Variants in NEU3 observed in about 807,000 individuals in gnomAD.
NEU3 encodes the protein neuraminidase 3.
Under a neutral mutation model 11.4 loss-of-function variants are expected in NEU3, and 10 were observed. The ratio of observed to expected loss-of-function variants is 0.88; its 90% CI spans 0.54 to 1.49. The LOEUF (loss-of-function observed/expected upper bound fraction) is 1.49. Among genes scored for constraint, NEU3 ranks in the 40% most tolerant of loss-of-function variants. The probability of loss-of-function intolerance (pLI) is 0.00; values close to 1 mark genes in which losing one functional copy is unlikely to be tolerated. For missense variants in NEU3, 529 were observed against 581.8 expected, an observed-to-expected ratio of 0.91 and a Z score of 0.93; for synonymous variants, 212 against 228.2, an observed-to-expected ratio of 0.93 and a Z score of 0.64.
At chr11:75,020,381 G>T (rs889973800), downstream of NEU3, among the ~76,000 whole-genome samples, 1 of 152,178 alleles carries the variant, frequency 6.6e-6, no homozygotes, top group Non-Finnish European at 1.5e-5. Flanking sequence ...AGAATGATAT[G>T]ATTTGGCTGT....
chr11:75,006,196 T>C lies in NEU3; in HGVS notation c.1090T>C (p.Tyr364His). ...AGTPSESWLL[Y>H]SHPTSRKQRV... ...AACACCGTCAGAATCATGGCTCTTG[T>C]ACTCACACCCAACCAGTAGGAAACA... The change falls in exon 3 of 3, where the codon TAC becomes CAC. Residue 364 changes from tyrosine (Y) to histidine (H), a missense_variant. Coordinates refer to ENST00000294064, the MANE Select transcript of NEU3 (RefSeq NM_006656.6). 5 of 1,614,002 alleles carry C rather than the reference T, an allele frequency of 3.1e-6. No homozygotes were observed. Among genetic ancestry groups the C allele is most frequent in the Non-Finnish European group, 4.2e-6 (5 of 1,179,894 alleles).
chr11:74,995,543 A>G (rs916936884), intron 2 of NEU3, among the ~76,000 whole-genome samples: 7 of 152,228 alleles, frequency 4.6e-5, no homozygotes, highest in Non-Finnish European at 1.0e-4. Context: ...TGACTATCAC[A>G]ATAAAACAAG....
intron 1 of NEU3, among the ~76,000 whole-genome samples, chr11:74,990,670 C>T (rs1324283559): frequency 1.3e-5 from 2 of 152,122 alleles, no homozygotes; most frequent in Non-Finnish European, 2.9e-5. Context: ...TCTTCCTTTC[C>T]TGTTCTGAGC....
In NEU3 at chr11:75,005,414, G is replaced by A; in HGVS notation, c.308G>A (p.Trp103Ter). The A allele has an allele frequency of 1.2e-6, 2 of 1,601,384 alleles. No individual in the cohort carries two copies. The highest frequency in any genetic ancestry group is 1.7e-6 in the Non-Finnish European group (2 of 1,172,390). ...ACTTTCTCCCTTCTCCTTGTCTAGT[G>A]GGGGCCCCTGAAGCCACTGATGGAA... ...RGLRIGQLVQ[W>*]GPLKPLMEAT... Residue 103 changes from tryptophan (W) to a stop codon, truncating the protein, a stop_gained and splice_region_variant, in exon 3 of 3, where the codon TGG becomes TAG. Transcript: ENST00000294064. LOFTEE classifies it low-confidence loss of function (END_TRUNC).
chr11:74,991,132 G>A (rs1948727753), intron 1 of NEU3, among the ~76,000 whole-genome samples: 2 of 152,200 alleles, frequency 1.3e-5, no homozygotes, highest in South Asian at 2.1e-4. Context: ...CAAATCCTAT[G>A]TTCTTAACCA....
At chr11:74,985,105 G>C (rs551714163), upstream of NEU3, among the ~76,000 whole-genome samples, 1 of 152,142 alleles carries the variant, frequency 6.6e-6, no homozygotes, top group Admixed American at 6.5e-5. Context: ...AGAAAGATTT[G>C]GTATTAGCTT....
chr11:75,005,901 T>C lies in NEU3; in HGVS notation c.795T>C (p.Thr265=), dbSNP rs1306053631. The part of the protein sequence containing the change: ...VTVECEVAEV[T]GRAGHPVLYC... ...TAGAATGTGAAGTGGCAGAGGTGAC[T>C]GGGAGGGCTGGCCACCCTGTGCTAT... Residue 265 remains threonine, a synonymous_variant, in exon 3 of 3, where the codon ACT becomes ACC. Coordinates refer to ENST00000294064, the MANE Select transcript of NEU3 (RefSeq NM_006656.6). The C allele has an allele frequency of 1.2e-6, 2 of 1,613,650 alleles. No individual in the cohort carries two copies. The highest frequency in any genetic ancestry group is 3.3e-5 in the Admixed American group (2 of 60,030).
chr11:75,016,222 A>G (rs1239860240), intron 3 of NEU3, among the ~76,000 whole-genome samples: 1 of 152,220 alleles, frequency 6.6e-6, no homozygotes, highest in Non-Finnish European at 1.5e-5. Context: ...TCCAGACAAT[A>G]ACCTGACCCT....
At chr11:75,019,988 G>A (rs111275743), downstream of NEU3, among the ~76,000 whole-genome samples, 193 of 152,328 alleles carry the variant, frequency 1.3e-3, no homozygotes, top group African/African-American at 4.5e-3. Flanking sequence ...AGCCACAGGG[G>A]AAGAACTGCC....
chr11:74,988,701 G>A (rs1381089662), upstream of NEU3: 7 of 328,572 alleles, frequency 2.1e-5, no homozygotes, highest in African/African-American at 4.5e-5. Context: ...GCACTGAAGA[G>A]AGGAGGCGGC....
chr11:75,005,330 T>C, intron 2 of NEU3, 83 bp from the exon 3 acceptor site: 1 of 1,334,584 alleles, frequency 7.5e-7, no homozygotes, highest in African/African-American at 1.5e-5. Context: ...ATTTCTTATT[T>C]ATGAAAAATA....
Position 75,006,502 on chromosome 11 carries a change from G to C in NEU3, c.*10G>C. ...ATTCAAAAGCAATTAATTGGCTTAG[G>C]ACCCAATTTCCATAGATGCAAATGG... On this transcript the variant is annotated 3_prime_UTR_variant, in exon 3 of 3. Transcript: ENST00000294064. 6.3e-7 allele frequency: 1 copy of C among 1,594,210 alleles called. No homozygotes were observed. The highest frequency in any genetic ancestry group is 8.6e-7 in the Non-Finnish European group (1 of 1,169,524).
chr11:75,010,657 C>G lies in NEU3; in HGVS notation c.*4165C>G, dbSNP rs685116. 112,744 of 152,066 alleles carry G rather than the reference C, an allele frequency of 0.74. 42,552 individuals are homozygous for G. The highest frequency in any genetic ancestry group is 0.82 in the Non-Finnish European group (55,554 of 67,992). The allele number at this position is 152,066 out of a possible 1,614,324, so 9.4% of individuals were successfully genotyped here. ...AGTGGGGAAAATTTATGGCCTATTC[C>G]AGAAGAGTGAGCAGCCTAATCAAGC... On this transcript the variant is annotated 3_prime_UTR_variant, in exon 3 of 3. Coordinates refer to ENST00000294064, the MANE Select transcript of NEU3 (RefSeq NM_006656.6).
upstream of NEU3, among the ~76,000 whole-genome samples, chr11:74,986,674 G>A (rs1285535502): frequency 1.2e-4 from 18 of 152,116 alleles, no homozygotes; most frequent in African/African-American, 4.3e-4. Context: ...TTTTAAAAAT[G>A]AGTCTTGCCA....
intron 2 of NEU3, among the ~76,000 whole-genome samples, chr11:75,001,485 G>C (rs1948844147): frequency 6.6e-6 from 1 of 151,908 alleles, no homozygotes; most frequent in African/African-American, 2.4e-5. Flanking sequence ...GTTTCACCAT[G>C]TTGGCCAGGC....
At chr11:75,019,138 A>G (rs555156393), downstream of NEU3, among the ~76,000 whole-genome samples, 41 of 152,354 alleles carry the variant, frequency 2.7e-4, no homozygotes, top group Middle Eastern at 3.4e-3. Context: ...ATTCAATTTT[A>G]TAAGGGAAGT....
chr11:74,985,698 G>A (rs930437755), upstream of NEU3, among the ~76,000 whole-genome samples: 1 of 152,198 alleles, frequency 6.6e-6, no homozygotes, highest in African/African-American at 2.4e-5. Context: ...GAGTCTGGAG[G>A]AATCCATTTG....
rs544115 is a variant in NEU3 at position 74,994,651 on chromosome 11, T to C, written c.237T>C (p.Ser79=). Residue 79 remains serine (S), a synonymous_variant, in exon 2 of 3, where the codon TCT becomes TCC. Transcript: ENST00000294064. The part of the protein sequence containing the change: ...HTFLAFAEKR[S]TRRDEDALHL... ...TCCTGGCCTTTGCAGAGAAGCGTTC[T>C]ACGAGGAGAGATGAGGATGCTCTCC... The C allele has an allele frequency of 0.79, 1,278,753 of 1,613,700 alleles. 509,966 individuals carry two copies. The highest frequency in any genetic ancestry group is 0.82 in the Admixed American group (49,250 of 59,998).
intron 2 of NEU3, among the ~76,000 whole-genome samples, chr11:75,001,633 C>G (rs1254172046): frequency 6.6e-6 from 1 of 152,170 alleles, no homozygotes; most frequent in East Asian, 1.9e-4. Context: ...AAGCCACAAC[C>G]TGTTTTATCT....
Sources: allele counts gnomAD v4.1 joint callset (sites outside exome capture counted in the v4.1 genomes callset), GRCh38; gene constraint gnomAD v4.1.1; transcripts MANE v1.5; gene names NCBI Gene and HGNC (gene_info 2026-07-23, HGNC 2026-07-21).